Variants in RBM46 observed in about 807,000 individuals in gnomAD.
RBM46 encodes the protein RNA binding motif protein 46.
Under a neutral mutation model 43.3 loss-of-function variants are expected in RBM46, and 12 were observed. That is an observed-to-expected ratio of 0.28 (90% CI 0.18 to 0.45). The LOEUF is 0.45. RBM46 is among the 20% of genes least tolerant of loss of function. RBM46 has a pLI of 1.00. For missense variants in RBM46, 412 were observed against 639.1 expected, an observed-to-expected ratio of 0.64 and a Z score of 3.83; for synonymous variants, 205 against 207.6, an observed-to-expected ratio of 0.99 and a Z score of 0.11.
At chr4:154,812,345 C>T (rs1165290670) in intron 4 of RBM46, among the ~76,000 whole-genome samples, 1 of 152,132 alleles carries the variant, frequency 6.6e-6, no homozygotes, top group East Asian at 1.9e-4. Flanking sequence ...TGACCTGAGA[C>T]ATCTGGTTGA....
At chr4:154,796,256 C>A (rs1734344939) in intron 1 of RBM46, among the ~76,000 whole-genome samples, 1 of 152,170 alleles carries the variant, frequency 6.6e-6, no homozygotes, top group African/African-American at 2.4e-5. Context: ...ACCCAGATTT[C>A]TGGTTGTGAG....
At chr4:154,794,525 C>A (rs1734256728) in intron 1 of RBM46, among the ~76,000 whole-genome samples, 2 of 152,062 alleles carry the variant, frequency 1.3e-5, no homozygotes, top group African/African-American at 4.8e-5. Flanking sequence ...GCCAGATGAT[C>A]CTTTTAAAAT....
At chr4:154,824,090 CTTTT>C (rs34202228) in intron 4 of RBM46, among the ~76,000 whole-genome samples, 13 of 145,388 alleles carry the variant, frequency 8.9e-5, no homozygotes, top group East Asian at 4.0e-4. Context: ...CAGTTGTTCT[CTTTT>C]TTTTTTTTGT....
At chr4:154,803,327 T>C (rs1055081742) in intron 4 of RBM46, among the ~76,000 whole-genome samples, 1 of 152,138 alleles carries the variant, frequency 6.6e-6, no homozygotes, top group African/African-American at 2.4e-5. Flanking sequence ...TTACTTAAAA[T>C]TAGAGACTAT....
chr4:154,820,119 A>C (rs1206633848), intron 4 of RBM46, among the ~76,000 whole-genome samples: 3 of 152,136 alleles, frequency 2.0e-5, no homozygotes, highest in Non-Finnish European at 2.9e-5. Flanking sequence ...TAGAAAGATA[A>C]ATTTTTTTCT....
intron 4 of RBM46, among the ~76,000 whole-genome samples, chr4:154,815,898 C>T (rs1234269641): frequency 6.6e-6 from 1 of 151,910 alleles, no homozygotes; most frequent in African/African-American, 2.4e-5. Flanking sequence ...TCATATCATA[C>T]CTAAATTTAG....
chr4:154,786,313 T>C (rs568065781), intron 1 of RBM46, among the ~76,000 whole-genome samples: 47 of 152,200 alleles, frequency 3.1e-4, no homozygotes, highest in African/African-American at 1.1e-3. Flanking sequence ...GGTCTTGAAC[T>C]CCTGACCTCA....
intron 4 of RBM46, among the ~76,000 whole-genome samples, chr4:154,825,072 G>C (rs1050428053): frequency 6.6e-6 from 1 of 152,058 alleles, no homozygotes; most frequent in African/African-American, 2.4e-5. Context: ...ATAACACTTA[G>C]TGTAAAACTT....
At chr4:154,817,484 A>G (rs1261853341) in intron 4 of RBM46, among the ~76,000 whole-genome samples, 2 of 151,154 alleles carry the variant, frequency 1.3e-5, no homozygotes, top group East Asian at 3.9e-4. Context: ...AGGTGCGCAC[A>G]CCACACCCAG....
rs140727877 is a variant in RBM46, at chr4:154,828,060, T to C, written c.1595T>C (p.Phe532Ser). 3.2e-5 allele frequency: 51 copies of C among 1,606,696 alleles called. No individual in the cohort carries two copies. The African/African-American group carries it at 3.6e-4, about 11-fold the overall frequency. ...QRLCISNQAS[F>S]F ...CTATGTATCTCCAATCAGGCCTCCT[T>C]CTTCTGAAGAAAATACTAACATTAG... Residue 532 changes from phenylalanine (F) to serine (S), a missense_variant, in exon 5 of 5, where the codon TTC becomes TCC. Coordinates refer to ENST00000281722, the MANE Select transcript of RBM46 (RefSeq NM_144979.5).
chr4:154,786,287 C>T (rs1331921881), intron 1 of RBM46, among the ~76,000 whole-genome samples: 1 of 151,984 alleles, frequency 6.6e-6, no homozygotes, highest in Non-Finnish European at 1.5e-5. Context: ...TGGTGTTTCA[C>T]CATGTTTGCC....
At chr4:154,793,469 T>C (rs1225698911) in intron 1 of RBM46, among the ~76,000 whole-genome samples, 2 of 152,236 alleles carry the variant, frequency 1.3e-5, no homozygotes, top group Non-Finnish European at 2.9e-5. Context: ...GCATACATGC[T>C]AGCAGTGTAT....
intron 1 of RBM46, among the ~76,000 whole-genome samples, chr4:154,782,544 C>G (rs1342498677): frequency 6.6e-6 from 1 of 152,126 alleles, no homozygotes; most frequent in African/African-American, 2.4e-5. Flanking sequence ...AGAGCAGTGG[C>G]AGGATCTCGG....
intron 4 of RBM46, among the ~76,000 whole-genome samples, chr4:154,821,354 C>A (rs1735714730): frequency 1.3e-5 from 2 of 151,576 alleles, no homozygotes; most frequent in African/African-American, 2.4e-5. Context: ...TTTTCTAAGG[C>A]TTTTCTTTTT....
intron 4 of RBM46, among the ~76,000 whole-genome samples, chr4:154,808,387 ACTTTT>A (rs929468535): frequency 1.9e-4 from 29 of 151,830 alleles, no homozygotes; most frequent in African/African-American, 6.8e-4. Context: ...TTTTCTTTGT[ACTTTT>A]CTTTAATCCT....
At chr4:154,791,663 A>G (rs1005665435) in intron 1 of RBM46, among the ~76,000 whole-genome samples, 3 of 152,216 alleles carry the variant, frequency 2.0e-5, no homozygotes, top group African/African-American at 7.2e-5. Context: ...CATTATAAGA[A>G]ATAAGTTTCT....
intron 4 of RBM46, among the ~76,000 whole-genome samples, chr4:154,813,977 A>G (rs1578939625): frequency 6.6e-6 from 1 of 152,100 alleles, no homozygotes; most frequent in African/African-American, 2.4e-5. Context: ...CTTCAAAGAT[A>G]TAGAATATGC....
chr4:154,798,376 TAAAG>T (rs370073664), intron 3 of RBM46, 98 bp downstream of exon 3: 27 of 703,888 alleles, frequency 3.8e-5, no homozygotes, highest in African/African-American at 9.1e-5. Flanking sequence ...TAATGTCACT[TAAAG>T]AAGAGTAAAG....
In RBM46 at chr4:154,828,596, T is replaced by C. The variant is rs1414794652; in HGVS notation, c.*529T>C. ...TACTAAAGAAAAAGCAGTCTACCAT[T>C]GTGGTCCTTGAAAATAACTATAGAT... is the stretch of plus-strand genomic sequence containing the variant. On this transcript the variant is annotated 3_prime_UTR_variant, in exon 5 of 5. Coordinates refer to ENST00000281722, the MANE Select transcript of RBM46 (RefSeq NM_144979.5). 1 of 152,736 alleles carries C rather than the reference T, an allele frequency of 6.5e-6. No homozygotes were observed. The highest frequency in any genetic ancestry group is 1.9e-4 in the East Asian group (1 of 5,192). The allele number at this position is 152,736 out of a possible 1,614,324, so 9.5% of individuals were successfully genotyped here.
Sources: gnomAD v4.1 joint callset for allele counts (sites outside exome capture counted in the v4.1 genomes callset) on GRCh38, gnomAD v4.1.1 for gene constraint, MANE v1.5 for transcripts, NCBI Gene and HGNC (gene_info 2026-07-23, HGNC 2026-07-21) for gene names.